The following IRAG2 variants were observed in gnomAD, a reference collection of about 807,000 sequenced individuals.
IRAG2 encodes lymphoid restricted membrane protein.
IRAG2 carries 45 observed loss-of-function variants against 69.9 expected under a neutral mutation model. The ratio of observed to expected loss-of-function variants is 0.64; its 90% CI spans 0.51 to 0.83. The LOEUF is 0.83. Ranked by LOEUF, IRAG2 falls within the 40% of genes least tolerant of loss-of-function variation. The probability of loss-of-function intolerance (pLI) is 0.00; values close to 1 mark genes in which losing one functional copy is unlikely to be tolerated. For missense variants in IRAG2, 520 were observed against 587.0 expected (o/e 0.89, Z 1.18); for synonymous variants, 193 against 202.4 (o/e 0.95, Z 0.40).
the IRAG2 span, among the ~76,000 whole-genome samples, chr12:24,997,948 G>A: frequency 5.9e-4 from 90 of 152,324 alleles, no homozygotes; most frequent in African/African-American, 2.1e-3. Flanking sequence ...TGTTTTCAAT[G>A]GAGCTTTTGG....
rs1482670393 is a variant in IRAG2 at position 25,108,264 on chromosome 12, A to C, written c.*204A>C. The C allele has an allele frequency of 3.4e-6, 2 of 580,106 alleles. No homozygotes were observed. The highest frequency in any genetic ancestry group is 5.9e-6 in the Non-Finnish European group (2 of 341,848). 35.9% of individuals were successfully genotyped at this position (580,106 alleles called of 1,614,324 possible). A position where few individuals can be genotyped will look rare whatever the true frequency, so the allele number is the denominator to read the frequency against. ...GAAGTCTGCCTATGATCTTTGAATG[A>C]GCTTTTTAAGGAAGAAATATTATAT... On this transcript the variant is annotated 3_prime_UTR_variant, in exon 22 of 22. Coordinates refer to ENST00000556887, the MANE Select transcript of IRAG2 (RefSeq NM_001366544.2).
intron 10 of IRAG2, among the ~76,000 whole-genome samples, chr12:25,031,794 C>G (rs1944669690): frequency 6.6e-6 from 1 of 152,162 alleles, no homozygotes; most frequent in Admixed American, 6.5e-5. Context: ...TCCTGAGTAG[C>G]TGGGATTACA....
At chr12:25,089,299 C>A (rs1208356387) in intron 11 of IRAG2, among the ~76,000 whole-genome samples, 1 of 152,166 alleles carries the variant, frequency 6.6e-6, no homozygotes, top group Non-Finnish European at 1.5e-5. Context: ...GAGGTTTAGG[C>A]TTTTAGCCAT....
intron 15 of IRAG2, among the ~76,000 whole-genome samples, chr12:25,037,071 A>C (rs183373639): frequency 4.7e-4 from 72 of 152,286 alleles, no homozygotes; most frequent in Non-Finnish European, 9.0e-4. Flanking sequence ...CGGTTTTACT[A>C]TCTCAGGAAC....
chr12:25,094,130 C>T (rs1415288274), intron 14 of IRAG2, among the ~76,000 whole-genome samples: 4 of 151,982 alleles, frequency 2.6e-5, no homozygotes, highest in Non-Finnish European at 5.9e-5. Flanking sequence ...TGTCTGTGCT[C>T]TCGGTGTTAT....
At chr12:25,107,078 C>T (rs373736527) in intron 21 of IRAG2, 28 bp downstream of exon 21, 48 of 1,299,520 alleles carry the variant, frequency 3.7e-5, no homozygotes, top group Non-Finnish European at 5.2e-5. Context: ...TAAATTCTAC[C>T]ATTTTAGTGG....
chr12:25,052,493 A>G (rs141639356), upstream of IRAG2: 34 of 397,136 alleles, frequency 8.6e-5, no homozygotes, highest in Non-Finnish European at 1.2e-4. Context: ...CCTAGCGACT[A>G]ACAGTGAGCA....
intron 10 of IRAG2, chr12:25,031,218 T>A (rs1466610269): frequency 4.0e-6 from 1 of 248,148 alleles, no homozygotes; most frequent in African/African-American, 2.3e-5. Context: ...TAACTTGATG[T>A]CTTCATTGCG....
chr12:25,035,613 A>T (rs1241960910), intron 13 of IRAG2: 10 of 398,770 alleles, frequency 2.5e-5, no homozygotes, highest in Non-Finnish European at 4.0e-5. Context: ...AATGTTCTTT[A>T]TTCAGATGTC....
At chr12:25,013,838 A>G (rs1944496947) in intron 3 of IRAG2, among the ~76,000 whole-genome samples, 2 of 150,096 alleles carry the variant, frequency 1.3e-5, no homozygotes, top group South Asian at 4.2e-4. Flanking sequence ...ATTTTTGCAT[A>G]ATGGTTTTAA....
chr12:25,021,091 C>CTTTTTTTTTTTTTTTTTTTT (rs71063389), intron 7 of IRAG2: 63 of 265,924 alleles, frequency 2.4e-4, no homozygotes, highest in Middle Eastern at 1.1e-3. Context: ...TCTTTCTTTT[C>CTTTTTTTTTTTTTTTTTTTT]TTTTTTTTTT....
intron 2 of IRAG2, among the ~76,000 whole-genome samples, chr12:25,010,925 A>G (rs1944469370): frequency 6.6e-6 from 1 of 152,244 alleles, no homozygotes; most frequent in Non-Finnish European, 1.5e-5. Context: ...AGAAATTTTC[A>G]CTTGAGATTG....
intron 6 of IRAG2, among the ~76,000 whole-genome samples, chr12:25,074,084 C>T (rs1946510081): frequency 6.6e-6 from 1 of 152,240 alleles, no homozygotes; most frequent in African/African-American, 2.4e-5. Context: ...TGAACTTGGA[C>T]ACATGACCTA....
At chr12:25,007,210 G>A (rs974045235) in intron 2 of IRAG2, among the ~76,000 whole-genome samples, 16 of 152,196 alleles carry the variant, frequency 1.1e-4, no homozygotes, top group African/African-American at 2.9e-4. Flanking sequence ...GAGGCAAATC[G>A]CAGAGATCAT....
At chr12:25,069,216 A>G in intron 5 of IRAG2, 134 bp from the exon 6 acceptor site, 1 of 519,562 alleles carries the variant, frequency 1.9e-6, no homozygotes, top group Non-Finnish European at 3.4e-6. Flanking sequence ...GTGTTACTTA[A>G]ACCATGAACT....
Position 25,079,718 on chromosome 12 carries a change from A to G in IRAG2, c.199A>G (p.Lys67Glu). Reference sequence around the variant, plus strand: ...CCTTGACAGAAACTCGCTCTGTAAGAAAGAGGAGGATACAAGATCAGCTTC... The same window carrying G: ...CCTTGACAGAAACTCGCTCTGTAAGGAAGAGGAGGATACAAGATCAGCTTC... ...CDLDRNSLCK[K>E]EEDTRSASPT... The change falls in exon 9 of 22, where the codon AAA becomes GAA. Residue 67 changes from lysine (K) to glutamate (E), a missense_variant. Physicochemically the swap from Lys to Glu is moderately conservative, Grantham distance 56. Coordinates refer to ENST00000556887, the MANE Select transcript of IRAG2 (RefSeq NM_001366544.2). 1 of 1,614,084 alleles carries G rather than the reference A, an allele frequency of 6.2e-7. No individual in the cohort carries two copies. The highest frequency in any genetic ancestry group is 8.5e-7 in the Non-Finnish European group (1 of 1,179,942).
At chr12:25,103,261 T>C (rs974243283) in intron 17 of IRAG2, 3 of 152,668 alleles carry the variant, frequency 2.0e-5, no homozygotes, top group Non-Finnish European at 4.4e-5. Context: ...TAAAACATCA[T>C]GAAAATCCTT....
At chr12:25,079,577 T>C in intron 8 of IRAG2, 79 bp from the exon 9 acceptor site, 3 of 1,268,336 alleles carry the variant, frequency 2.4e-6, no homozygotes, top group Non-Finnish European at 3.5e-6. Flanking sequence ...CAAATACTCC[T>C]TTTGCATAGT....
At chr12:25,043,530 G>A (rs923611433) in intron 16 of IRAG2, among the ~76,000 whole-genome samples, 1 of 152,170 alleles carries the variant, frequency 6.6e-6, no homozygotes, top group African/African-American at 2.4e-5. Context: ...AGGGATGAAA[G>A]GATGGAAGAG....
Sources: allele counts gnomAD v4.1 joint callset (sites outside exome capture counted in the v4.1 genomes callset), GRCh38; gene constraint gnomAD v4.1.1; transcripts MANE v1.5; gene names NCBI Gene and HGNC (gene_info 2026-07-23, HGNC 2026-07-21).